MYO15A: variants seen among roughly 807,000 people sequenced by gnomAD.
MYO15A encodes the protein unconventional myosin-XV.
A neutral mutation model predicts 394.6 loss-of-function variants in MYO15A; 308 were observed. That is an observed-to-expected ratio of 0.78 (90% CI 0.71 to 0.86). MYO15A has a LOEUF of 0.86. Among genes scored for constraint, MYO15A ranks in the 40% least tolerant of loss-of-function variants. MYO15A has a pLI of 0.00. For synonymous variants in MYO15A, 1,957 were observed against 2,003.8 expected, an observed-to-expected ratio of 0.98 and a Z score of 0.62; for missense variants, 4,606 against 4,799.1, an observed-to-expected ratio of 0.96 and a Z score of 1.19.
chr17:18,154,553 C>T, intron 44 of MYO15A, 127 bp from the exon 45 acceptor site: 1 of 938,726 alleles, frequency 1.1e-6, no homozygotes, highest in Non-Finnish European at 1.7e-6. Flanking sequence ...GATGACCCAG[C>T]TTACAGATGA....
chr17:18,111,553 C>T (rs965959227), intron 1 of MYO15A, among the ~76,000 whole-genome samples: 1 of 152,220 alleles, frequency 6.6e-6, no homozygotes. Flanking sequence ...CCGCTCTGTG[C>T]CTGCACAGAG....
chr17:18,143,848 G>C, intron 27 of MYO15A, 22 bp from the exon 28 acceptor site: 2 of 1,571,798 alleles, frequency 1.3e-6, no homozygotes, highest in Non-Finnish European at 1.7e-6. Flanking sequence ...AGCAGGCACC[G>C]CATTCCCTCC....
chr17:18,127,984 TG>T (rs2142287483), intron 7 of MYO15A, among the ~76,000 whole-genome samples: 1 of 151,794 alleles, frequency 6.6e-6, no homozygotes, highest in East Asian at 1.9e-4. Flanking sequence ...CAGGGTAGGC[TG>T]TACTGAGAAG....
At position 18,156,986 on chromosome 17, in the gene MYO15A, C is replaced by T. The variant is rs2046685703; in HGVS notation, c.8634C>T (p.Phe2878=). The T allele has an allele frequency of 1.2e-6, 2 of 1,614,086 alleles. No individual in the cohort carries two copies. Among genetic ancestry groups the T allele is most frequent in the Admixed American group, 1.7e-5 (1 of 60,012 alleles). ...DSDYVVAVRN[F]LPEDPALLAF... is the part of the protein sequence containing the mutation. Reference sequence around the variant, plus strand: ...ACTACGTGGTCGCTGTGAGGAACTTCCTGCCTGAGGACCCTGCGCTGCTGG... The same window carrying T: ...ACTACGTGGTCGCTGTGAGGAACTTTCTGCCTGAGGACCCTGCGCTGCTGG... The change falls in exon 49 of 66, where the codon TTC becomes TTT. Residue 2878 remains phenylalanine, a synonymous_variant. Transcript: ENST00000647165.
At chr17:18,135,610 G>A (rs557728147) in intron 12 of MYO15A, 101 bp from the exon 13 acceptor site, 68 of 1,142,878 alleles carry the variant, frequency 5.9e-5, no homozygotes, top group Admixed American at 1.4e-4. Context: ...CAAAGTGCTG[G>A]GACTACTGGC....
Position 18,153,715 on chromosome 17 carries a change from A to G in MYO15A, c.7967-60A>G. The G allele has an allele frequency of 1.3e-6, 2 of 1,495,906 alleles. No homozygotes were observed. The highest frequency in any genetic ancestry group is 1.8e-6 in the Non-Finnish European group (2 of 1,116,128). The allele number at this position is 1,495,906 out of a possible 1,614,324, so 92.7% of individuals were successfully genotyped here. Reference sequence around the variant, plus strand: ...CTCCGTCTCAAAAATATATATATATATTAATTAAATAAAAAAACGAGGTGC... The same window carrying G: ...CTCCGTCTCAAAAATATATATATATGTTAATTAAATAAAAAAACGAGGTGC... On this transcript the variant is annotated intron_variant, in intron 42 of 65. Coordinates refer to ENST00000647165, the MANE Select transcript of MYO15A (RefSeq NM_016239.4). The surrounding 1 kb of genome is among the most constrained non-coding windows in gnomAD (Gnocchi z 4.1).
chr17:18,124,648 T>A, intron 3 of MYO15A, 83 bp downstream of exon 3: 1 of 1,319,208 alleles, frequency 7.6e-7, no homozygotes, highest in Admixed American at 1.9e-5. Flanking sequence ...CTCCTGCAGT[T>A]GCCTCTCACC....
chr17:18,154,593 A>G lies in MYO15A; in HGVS notation c.8149-87A>G, dbSNP rs62073602. The G allele has an allele frequency of 0.19, 263,568 of 1,385,814 alleles. 27,293 individuals carry two copies. Among genetic ancestry groups the G allele is most frequent in the Middle Eastern group, 0.31 (1,609 of 5,198 alleles). 85.8% of individuals were successfully genotyped at this position (1,385,814 alleles called of 1,614,324 possible). On this transcript the variant is annotated intron_variant, in intron 44 of 65. Transcript: ENST00000647165. ...ACTGCTGCAAAATGGGACCCCTCCC[A>G]CATTGCCACTCACCCTAGTATAGTC...
chr17:18,121,904 C>T lies in MYO15A; in HGVS notation c.3104C>T (p.Pro1035Leu), dbSNP rs1291578990. Residue 1035 changes from proline (P) to leucine (L), a missense_variant, in exon 2 of 66, where the codon CCC (proline) becomes CTC (leucine). Physicochemically the swap from Pro to Leu is moderately conservative, Grantham distance 98. This residue lies in a region of MYO15A where 1,830 missense variants were observed against 1,689.7 expected (regional missense o/e 1.08). Coordinates refer to ENST00000647165, the MANE Select transcript of MYO15A (RefSeq NM_016239.4). This position sits in a 1 kb window ranked among gnomAD's most constrained non-coding sequence, Gnocchi z 5.3. The stretch of plus-strand genomic sequence containing the variant: ...ACCAAGCCTCCAACCCCAGCACCTC[C>T]CAAGGATGTCACTCCCCCCAAGGAT... ...AETKPPTPAPPKDVTPPKDIT... is the reference protein window; with the variant it reads ...AETKPPTPAPLKDVTPPKDIT... The T allele has an allele frequency of 1.2e-6, 2 of 1,613,140 alleles. No individual in the cohort carries two copies. The highest frequency in any genetic ancestry group is 2.7e-5 in the African/African-American group (2 of 74,922).
chr17:18,145,824 G>C (rs1325165065), intron 29 of MYO15A, 48 bp from the exon 30 acceptor site: 12 of 1,590,724 alleles, frequency 7.5e-6, no homozygotes, highest in Non-Finnish European at 1.0e-5. Flanking sequence ...GTGGGGACTG[G>C]AAGGAACAAC....
intron 54 of MYO15A, 26 bp downstream of exon 54, chr17:18,159,373 G>T: frequency 1.2e-6 from 2 of 1,613,234 alleles, no homozygotes; most frequent in East Asian, 2.2e-5. Context: ...TGCAGCCAGG[G>T]CTCTGGGCTA....
intron 1 of MYO15A, chr17:18,110,136 C>G (rs2045703833): frequency 2.0e-5 from 3 of 152,592 alleles, no homozygotes; most frequent in Admixed American, 2.0e-4. Context: ...ACTCCCCGCA[C>G]CCCCCAGCTG....
At chr17:18,143,660 G>T in intron 26 of MYO15A, 41 bp downstream of exon 26, 1 of 1,571,118 alleles carries the variant, frequency 6.4e-7, no homozygotes, top group East Asian at 2.3e-5. Flanking sequence ...AAGGAGGGAG[G>T]CTGGCAGGTG....
At position 18,120,890 on chromosome 17, in the gene MYO15A, TCCGCCGCCAC is replaced by T; in HGVS notation, c.2099_2108del (p.His700ProfsTer25). ...CGGCCGGCCTCGCCCTACGGCTCCC[TCCGCCGCCAC>T]CCGCCGCCCTGGGCCGCCCCAGCGC... On this transcript the variant is annotated frameshift_variant, in exon 2 of 66. Coordinates refer to ENST00000647165, the MANE Select transcript of MYO15A (RefSeq NM_016239.4). LOFTEE classifies it high-confidence loss of function. 7.3e-7 allele frequency: 1 copy of T among 1,377,814 alleles called. No individual in the cohort carries two copies. The highest frequency in any genetic ancestry group is 3.5e-5 in the East Asian group (1 of 28,758). The allele number at this position is 1,377,814 out of a possible 1,614,324, so 85.3% of individuals were successfully genotyped here. A position where few individuals can be genotyped will look rare whatever the true frequency, so the allele number is the denominator to read the frequency against.
intron 54 of MYO15A, 37 bp downstream of exon 54, chr17:18,159,384 G>C: frequency 6.2e-7 from 1 of 1,610,116 alleles, no homozygotes; most frequent in South Asian, 1.1e-5. Context: ...CTCTGGGCTA[G>C]GTGGGATCCA....
intron 48 of MYO15A, 50 bp downstream of exon 48, chr17:18,156,386 A>G: frequency 6.3e-7 from 1 of 1,590,536 alleles, no homozygotes; most frequent in South Asian, 1.1e-5. Context: ...AGGGCCAGCA[A>G]CAGGGATCTC....
intron 12 of MYO15A, among the ~76,000 whole-genome samples, chr17:18,134,029 C>T (rs951997301): frequency 1.1e-4 from 16 of 151,030 alleles, no homozygotes; most frequent in African/African-American, 3.2e-4. Flanking sequence ...CTCGCCCTGT[C>T]GCCAGGCTGG....
At position 18,154,118 on chromosome 17, in the gene MYO15A, C is replaced by T; in HGVS notation, c.8089-13C>T. Reference sequence around the variant, plus strand: ...GCAGTCGGACAGTACCCACTGAAGCCCCGCCCCTGCAGGTGTTTTACCCCA... The same window carrying T: ...GCAGTCGGACAGTACCCACTGAAGCTCCGCCCCTGCAGGTGTTTTACCCCA... On this transcript the variant is annotated splice_polypyrimidine_tract_variant and intron_variant, in intron 43 of 65. Transcript: ENST00000647165. 1 of 1,613,888 alleles carries T rather than the reference C, an allele frequency of 6.2e-7. No homozygotes were observed. Among genetic ancestry groups the T allele is most frequent in the Non-Finnish European group, 8.5e-7 (1 of 1,180,028 alleles).
chr17:18,176,667 C>G (rs1567669355), intron 65 of MYO15A: 1 of 151,362 alleles, frequency 6.6e-6, no homozygotes, highest in Non-Finnish European at 1.5e-5. Flanking sequence ...CTCCCAAATA[C>G]CGGGATTACA....
Sources: gnomAD v4.1 joint callset for allele counts (sites outside exome capture counted in the v4.1 genomes callset) on GRCh38, gnomAD v4.1.1 for gene constraint, gnomAD v4.1.1 regional missense constraint, Gnocchi (gnomAD v3.1) non-coding constraint, MANE v1.5 for transcripts, NCBI Gene and HGNC (gene_info 2026-07-23, HGNC 2026-07-21) for gene names.